Variants in TRUB1 observed in about 807,000 individuals in gnomAD.
TRUB1 encodes TruB pseudouridine synthase family member 1, also known as pseudouridylate synthase TRUB1.
In TRUB1, 23 loss-of-function variants were observed where a neutral mutation model predicts 33.9. The ratio of observed to expected loss-of-function variants is 0.68; its 90% CI spans 0.49 to 0.96. The LOEUF (loss-of-function observed/expected upper bound fraction) is 0.96. TRUB1 is among the 40% of genes least tolerant of loss of function. TRUB1 has a pLI of 0.00. For missense variants in TRUB1, 378 were observed against 422.2 expected (o/e 0.90, Z 0.92); for synonymous variants, 163 against 165.4 (o/e 0.99, Z 0.11).
At chr10:114,958,234 A>G (rs1316219157) in intron 3 of TRUB1, among the ~76,000 whole-genome samples, 1 of 152,176 alleles carries the variant, frequency 6.6e-6, no homozygotes, top group African/African-American at 2.4e-5. Context: ...GTCGAGGTTG[A>G]TTGTCCCAAA....
At chr10:114,972,374 AT>A in intron 6 of TRUB1, 100 bp downstream of exon 6, 1 of 1,324,578 alleles carries the variant, frequency 7.5e-7, no homozygotes, top group Non-Finnish European at 1.0e-6. Context: ...GATGTTGGAG[AT>A]TTTTTAAAAT....
chr10:114,960,345 C>T (rs982950893), intron 4 of TRUB1, among the ~76,000 whole-genome samples: 2 of 152,108 alleles, frequency 1.3e-5, no homozygotes, highest in African/African-American at 2.4e-5. Context: ...CTTTCACTAC[C>T]GTAAGGAAGA....
At chr10:114,947,921 G>T (rs905425111) in intron 2 of TRUB1, among the ~76,000 whole-genome samples, 3 of 152,092 alleles carry the variant, frequency 2.0e-5, no homozygotes, top group African/African-American at 2.4e-5. Flanking sequence ...AGATTCCTAC[G>T]ATTGGAAAGA....
intron 4 of TRUB1, among the ~76,000 whole-genome samples, chr10:114,965,294 T>G (rs1485292320): frequency 3.3e-5 from 5 of 152,164 alleles, no homozygotes; most frequent in Admixed American, 3.3e-4. Context: ...CCTAATTTGC[T>G]GAGTTCTGGT....
chr10:114,959,869 A>G (rs948917716), intron 4 of TRUB1, 62 bp downstream of exon 4: 64 of 1,000,320 alleles, frequency 6.4e-5, no homozygotes, highest in Non-Finnish European at 9.0e-5. Flanking sequence ...CTGTGCAGGT[A>G]GCATTTTAAA....
chr10:114,950,925 T>C (rs1368540006), intron 2 of TRUB1, among the ~76,000 whole-genome samples, 169 bp from the exon 3 acceptor site: 1 of 152,240 alleles, frequency 6.6e-6, no homozygotes, highest in Non-Finnish European at 1.5e-5. Context: ...CTTAGTTGCA[T>C]GACAAGTTCA....
intron 4 of TRUB1, among the ~76,000 whole-genome samples, chr10:114,961,788 A>G (rs1419863942): frequency 6.6e-6 from 1 of 152,212 alleles, no homozygotes; most frequent in East Asian, 1.9e-4. Flanking sequence ...AAGCTGCTAT[A>G]GCAGGTACCA....
At chr10:114,945,975 T>C (rs1248333609) in intron 2 of TRUB1, among the ~76,000 whole-genome samples, 1 of 152,244 alleles carries the variant, frequency 6.6e-6, no homozygotes, top group Non-Finnish European at 1.5e-5. Flanking sequence ...TTTTAATGCA[T>C]GTGATTTCCG....
intron 7 of TRUB1, 56 bp from the exon 8 acceptor site, chr10:114,975,067 A>ATGTTT: frequency 5.1e-6 from 8 of 1,553,550 alleles, no homozygotes; most frequent in Non-Finnish European, 6.1e-6. Context: ...ATTACAGACT[A>ATGTTT]TGAAATACTG....
Position 114,974,308 on chromosome 10 carries a change from A to C in TRUB1, c.737-21A>C. On this transcript the variant is annotated intron_variant, in intron 6 of 7. Coordinates refer to ENST00000298746, the MANE Select transcript of TRUB1 (RefSeq NM_139169.5). ...TTTCATAGGAGGTTAGCAATTTACT[A>C]TGTCACTGTTAACATTCCAGATGTT... 2.5e-6 allele frequency: 4 copies of C among 1,605,200 alleles called. No homozygotes were observed. The South Asian group carries it at 3.3e-5, about 13-fold the overall frequency.
chr10:114,971,762 T>G (rs2084337611), intron 5 of TRUB1, among the ~76,000 whole-genome samples: 1 of 152,190 alleles, frequency 6.6e-6, no homozygotes, highest in South Asian at 2.1e-4. Flanking sequence ...GAAATATAGC[T>G]GAGAGTATTA....
At chr10:114,941,238 A>G (rs1210017867) in intron 1 of TRUB1, among the ~76,000 whole-genome samples, 2 of 152,118 alleles carry the variant, frequency 1.3e-5, no homozygotes, top group East Asian at 1.9e-4. Context: ...CTCTCTCAGT[A>G]TGTTATATGC....
At position 114,977,604 on chromosome 10, in the gene TRUB1, C is replaced by CTTTTATG. The variant is rs2084367451; in HGVS notation, c.*2226_*2227insTTTATGT. On this transcript the variant is annotated 3_prime_UTR_variant, in exon 8 of 8. Transcript: ENST00000298746. ...ACATAGGAGAGAAATCAAAGTTTTT[C>CTTTTATG]TGATTTGCTTTTATGTGATTTATCT... The CTTTTATG allele has an allele frequency of 6.6e-6, 1 of 151,872 alleles. No homozygotes were observed. The highest frequency in any genetic ancestry group is 2.4e-5 in the African/African-American group (1 of 41,398). 9.4% of individuals were successfully genotyped at this position (151,872 alleles called of 1,614,324 possible).
At chr10:114,944,620 C>G (rs747963880) in intron 2 of TRUB1, among the ~76,000 whole-genome samples, 23 of 152,014 alleles carry the variant, frequency 1.5e-4, no homozygotes, top group Non-Finnish European at 2.8e-4. Flanking sequence ...GATCGCGCCA[C>G]TGCACTCCAG....
At chr10:114,948,025 A>G (rs968051250) in intron 2 of TRUB1, among the ~76,000 whole-genome samples, 3 of 152,206 alleles carry the variant, frequency 2.0e-5, no homozygotes, top group Non-Finnish European at 4.4e-5. Context: ...AACAAATTCT[A>G]TCTTTTTGAT....
At position 114,975,476 on chromosome 10, in the gene TRUB1, T is replaced by G; in HGVS notation, c.*97T>G. The G allele has an allele frequency of 6.7e-6, 1 of 149,090 alleles. No individual in the cohort carries two copies. Among genetic ancestry groups the G allele is most frequent in the Non-Finnish European group, 1.2e-5 (1 of 82,604 alleles). 9.2% of individuals were successfully genotyped at this position (149,090 alleles called of 1,614,324 possible). On this transcript the variant is annotated 3_prime_UTR_variant, in exon 8 of 8. Coordinates refer to ENST00000298746, the MANE Select transcript of TRUB1 (RefSeq NM_139169.5). The stretch of plus-strand genomic sequence containing the variant: ...GCATTCAAAAGACAAACAATATGTC[T>G]TTTTTTTTTTTGCATGAAGAAAAAT...
At position 114,977,033 on chromosome 10, in the gene TRUB1, A is replaced by G. The variant is rs971750484; in HGVS notation, c.*1654A>G. 26 of 152,190 alleles carry G rather than the reference A, an allele frequency of 1.7e-4. No individual in the cohort carries two copies. The highest frequency in any genetic ancestry group is 5.8e-4 in the African/African-American group (24 of 41,458). The allele number at this position is 152,190 out of a possible 1,614,324, so 9.4% of individuals were successfully genotyped here. On this transcript the variant is annotated 3_prime_UTR_variant, in exon 8 of 8. Transcript: ENST00000298746. ...CCAAATAGAGAAATACTTAGGTTTT[A>G]GAACACATCAGAGGTATTTCTGCTG...
intron 1 of TRUB1, among the ~76,000 whole-genome samples, chr10:114,938,828 CG>C (rs2084172273): frequency 1.3e-5 from 2 of 152,182 alleles, no homozygotes; most frequent in African/African-American, 4.8e-5. Flanking sequence ...GTAATCTGAT[CG>C]ATCCCTCAGG....
At chr10:114,944,800 T>G (rs2084204534) in intron 2 of TRUB1, among the ~76,000 whole-genome samples, 1 of 151,950 alleles carries the variant, frequency 6.6e-6, no homozygotes, top group Non-Finnish European at 1.5e-5. Context: ...GCTTAGACAA[T>G]GTGGCGAAAC....
Sources: gnomAD v4.1 joint callset for allele counts (sites outside exome capture counted in the v4.1 genomes callset) on GRCh38, gnomAD v4.1.1 for gene constraint, MANE v1.5 for transcripts, NCBI Gene and HGNC (gene_info 2026-07-23, HGNC 2026-07-21) for gene names.